SIPA1L3: variants seen among roughly 807,000 people sequenced by gnomAD.
SIPA1L3 encodes signal-induced proliferation-associated 1-like protein 3.
In SIPA1L3, 59 loss-of-function variants were observed where a neutral mutation model predicts 150.1. The ratio of observed to expected loss-of-function variants is 0.39; its 90% CI spans 0.32 to 0.49. The LOEUF is 0.49. Among genes scored for constraint, SIPA1L3 ranks in the 20% least tolerant of loss-of-function variants. The pLI is 0.86. For synonymous variants in SIPA1L3, 1,070 were observed against 1,077.6 expected, an observed-to-expected ratio of 0.99 and a Z score of 0.14; for missense variants, 2,211 against 2,489.5, an observed-to-expected ratio of 0.89 and a Z score of 2.38.
intron 15 of SIPA1L3, among the ~76,000 whole-genome samples, chr19:38,168,400 A>AAAAAC (rs1181736880): frequency 2.0e-5 from 3 of 151,978 alleles, no homozygotes; most frequent in East Asian, 1.9e-4. Context: ...AAACAAAAAC[A>AAAAAC]AAAACAAAAC....
chr19:38,049,971 C>T (rs1969152814), intron 2 of SIPA1L3, among the ~76,000 whole-genome samples: 1 of 152,090 alleles, frequency 6.6e-6, no homozygotes, highest in Non-Finnish European at 1.5e-5. Context: ...GAGGCCCAGT[C>T]AGCACAGGCA....
Position 38,195,998 on chromosome 19 carries a change from A to G in SIPA1L3, c.4840+2218A>G, listed in dbSNP as rs185179060. 4.8e-3 allele frequency among the ~76,000 whole-genome samples: 728 copies of G among 151,646 alleles called. 1 individual carries two copies. Among genetic ancestry groups the G allele is most frequent in the Non-Finnish European group, 8.8e-3 (595 of 67,890 alleles). Reference sequence around the variant, plus strand: ...TCCCTCTGCATCACACAGCACACACACACCCTTCTCTGTCCATCTGACTCC... The same window carrying G: ...TCCCTCTGCATCACACAGCACACACGCACCCTTCTCTGTCCATCTGACTCC... On this transcript the variant is annotated intron_variant, in intron 18 of 21. Coordinates refer to ENST00000222345, the MANE Select transcript of SIPA1L3 (RefSeq NM_015073.3).
chr19:37,971,629 G>C lies in SIPA1L3; in HGVS notation c.-378-57460G>C, dbSNP rs974033224. ...TGCCCAGGCTGGAGTACAGTGGCGC[G>C]ATCTCGGCTCACTGCTACTTCGCTT... is the stretch of plus-strand genomic sequence containing the variant. On this transcript the variant is annotated intron_variant, in intron 1 of 21. Coordinates refer to ENST00000222345, the MANE Select transcript of SIPA1L3 (RefSeq NM_015073.3). Among the ~76,000 whole-genome samples the C allele has an allele frequency of 2.6e-5, 4 of 151,930 alleles. No individual in the cohort carries two copies. The East Asian group carries it at 7.8e-4, about 29-fold the overall frequency.
At chr19:37,909,773 A>G (rs1391287758) in intron 1 of SIPA1L3, among the ~76,000 whole-genome samples, 1 of 152,200 alleles carries the variant, frequency 6.6e-6, no homozygotes, top group African/African-American at 2.4e-5. Context: ...TGGGCATTTC[A>G]GGAGGCAGCA....
At chr19:37,997,829 T>G (rs112920735) in intron 1 of SIPA1L3, among the ~76,000 whole-genome samples, 5 of 144,318 alleles carry the variant, frequency 3.5e-5, no homozygotes, top group Admixed American at 2.8e-4. Flanking sequence ...TTGTGCCACT[T>G]CACTCCAGCC....
chr19:38,113,017 G>A (rs746482456), intron 8 of SIPA1L3, among the ~76,000 whole-genome samples: 7 of 152,046 alleles, frequency 4.6e-5, no homozygotes, highest in Admixed American at 4.6e-4. Flanking sequence ...AGACCAGCCT[G>A]GCCAACATGG....
intron 12 of SIPA1L3, among the ~76,000 whole-genome samples, chr19:38,147,209 G>A (rs1971719541): frequency 1.3e-5 from 2 of 151,846 alleles, no homozygotes; most frequent in Non-Finnish European, 2.9e-5. Context: ...TTACAGGTAC[G>A]CACAACCCTC....
At position 38,082,354 on chromosome 19, in the gene SIPA1L3, C is replaced by T. The variant is rs755268875; in HGVS notation, c.789C>T (p.Asn263=). The stretch of plus-strand genomic sequence containing the variant: ...GCGGAGCCAAGGGGGACTCCCACAA[C>T]GGGCAGCCCGCCAAGGACAGCCTCC... ...GGGGAKGDSH[N]GQPAKDSLLP... The change falls in exon 3 of 22, where the codon AAC becomes AAT. Residue 263 remains asparagine, a synonymous_variant. Transcript: ENST00000222345. The T allele has an allele frequency of 1.1e-5, 17 of 1,597,342 alleles. No homozygotes were observed. The East Asian group carries it at 1.6e-4, about 15-fold the overall frequency.
At chr19:38,198,971 G>GA (rs372941004) in intron 19 of SIPA1L3, among the ~76,000 whole-genome samples, 73 of 150,208 alleles carry the variant, frequency 4.9e-4, no homozygotes, top group African/African-American at 4.4e-4. Flanking sequence ...GTGTCTGGGG[G>GA]AAAAAAAAAA....
intron 2 of SIPA1L3, among the ~76,000 whole-genome samples, chr19:38,053,630 C>T (rs1969250552): frequency 6.6e-6 from 1 of 152,068 alleles, no homozygotes; most frequent in African/African-American, 2.4e-5. Flanking sequence ...AATCACAGCT[C>T]ACTGCAGCTT....
Position 38,020,105 on chromosome 19 carries a change from T to A in SIPA1L3, c.-378-8984T>A, listed in dbSNP as rs964989018. On this transcript the variant is annotated intron_variant, in intron 1 of 21. Coordinates refer to ENST00000222345, the MANE Select transcript of SIPA1L3 (RefSeq NM_015073.3). The stretch of plus-strand genomic sequence containing the variant: ...GAGACCCCGTCTCTCTCTCTCTATA[T>A]ATAAATAAATAGAATAATGGTAGCT... Among the ~76,000 whole-genome samples, 3 of 149,936 alleles carry A rather than the reference T, an allele frequency of 2.0e-5. No individual in the cohort carries two copies. The South Asian group carries it at 6.4e-4, about 32-fold the overall frequency.
At chr19:38,043,711 G>A (rs950729049) in intron 2 of SIPA1L3, among the ~76,000 whole-genome samples, 14 of 152,138 alleles carry the variant, frequency 9.2e-5, no homozygotes, top group African/African-American at 2.2e-4. Flanking sequence ...CTCACCATCC[G>A]TAATCATCAT....
intron 4 of SIPA1L3, among the ~76,000 whole-genome samples, chr19:38,095,834 C>T (rs931270713): frequency 2.0e-5 from 3 of 152,140 alleles, no homozygotes; most frequent in African/African-American, 4.8e-5. Context: ...GTAAGTCACC[C>T]GTCTCCAGGG....
intron 12 of SIPA1L3, among the ~76,000 whole-genome samples, chr19:38,144,272 G>T (rs953994852): frequency 6.6e-6 from 1 of 152,374 alleles, no homozygotes; most frequent in South Asian, 2.1e-4. Context: ...GTAAGAGAGC[G>T]AGAGAGAGAC....
intron 3 of SIPA1L3, among the ~76,000 whole-genome samples, chr19:38,087,094 C>T (rs1047483173): frequency 6.6e-6 from 1 of 152,132 alleles, no homozygotes; most frequent in African/African-American, 2.4e-5. Flanking sequence ...CTGGATTTTA[C>T]AAGGAGGTGC....
intron 2 of SIPA1L3, among the ~76,000 whole-genome samples, chr19:38,040,472 T>C (rs753951986): frequency 6.6e-6 from 1 of 152,106 alleles, no homozygotes; most frequent in Admixed American, 6.5e-5. Flanking sequence ...TTACTGAACA[T>C]GGGTAAGTGG....
Position 38,119,466 on chromosome 19 carries a change from A to G in SIPA1L3, c.2452A>G (p.Thr818Ala), listed in dbSNP as rs965988907. The part of the protein sequence containing the change: ...HKSDKFHTMA[T>A]RTRQEYLKDL... ...GTCCGACAAGTTCCACACCATGGCC[A>G]CCAGGACCCGCCAGGAGTATCTCAA... The change falls in exon 9 of 22, where the codon ACC becomes GCC. Residue 818 changes from threonine to alanine, a missense_variant. Thr to Ala is a moderately conservative substitution (Grantham distance 58). Around this residue, in one of 5 missense-constraint regions of SIPA1L3, gnomAD observed 625 missense variants for 804.2 expected, o/e 0.78. Transcript: ENST00000222345. The G allele has an allele frequency of 6.2e-7, 1 of 1,614,182 alleles. No individual in the cohort carries two copies.
At position 38,081,537 on chromosome 19, in the gene SIPA1L3, G is replaced by T. The variant is rs751099909; in HGVS notation, c.-29G>T. ...CATAGAGTGACACCACAGCGTACGG[G>T]GCCAGCAGCACTCCAGTGCCCGTGG... On this transcript the variant is annotated 5_prime_UTR_variant, in exon 3 of 22. Transcript: ENST00000222345. 19 of 1,548,030 alleles carry T rather than the reference G, an allele frequency of 1.2e-5. No homozygotes were observed. The South Asian group carries it at 2.1e-4, about 17-fold the overall frequency.
intron 1 of SIPA1L3, among the ~76,000 whole-genome samples, chr19:38,012,018 T>TG (rs1022571851): frequency 4.9e-4 from 74 of 151,830 alleles, no homozygotes; most frequent in African/African-American, 1.8e-3. Context: ...GCTGGATCCC[T>TG]GCTGACAGAC....
Sources: allele counts gnomAD v4.1 joint callset (sites outside exome capture counted in the v4.1 genomes callset), GRCh38; gene constraint gnomAD v4.1.1; regional missense constraint gnomAD v4.1.1; transcripts MANE v1.5; gene names NCBI Gene and HGNC (gene_info 2026-07-23, HGNC 2026-07-21).